Variants in TSBP1 observed in about 807,000 individuals in gnomAD.
TSBP1 encodes the protein testis expressed basic protein 1, also known as testis-expressed basic protein 1.
Under a neutral mutation model 68.8 loss-of-function variants are expected in TSBP1, and 56 were observed. The observed-to-expected ratio is 0.81, with a 90% CI of 0.66 to 1.02. TSBP1 has a LOEUF of 1.02. Among genes scored for constraint, TSBP1 ranks in the 50% least tolerant of loss-of-function variants. The pLI, the probability that TSBP1 is intolerant of heterozygous loss-of-function variation, is 0.00. For missense variants in TSBP1, 502 were observed against 641.2 expected, an observed-to-expected ratio of 0.78 and a Z score of 2.34; for synonymous variants, 171 against 208.7, an observed-to-expected ratio of 0.82 and a Z score of 1.56.
intron 17 of TSBP1, 91 bp downstream of exon 18, chr6:32,323,500 A>G: frequency 8.2e-7 from 1 of 1,220,772 alleles, no homozygotes; most frequent in Non-Finnish European, 1.2e-6. Context: ...ACACAGAGTT[A>G]GAAATGAGCA....
At chr6:32,370,391 A>T (rs1774251007) in intron 1 of TSBP1, among the ~76,000 whole-genome samples, 1 of 134,022 alleles carries the variant, frequency 7.5e-6, no homozygotes, top group African/African-American at 2.6e-5. Context: ...ATACCTTTAA[A>T]GTTGCAAGAT....
chr6:32,362,450 C>T (rs927933910), intron 6 of TSBP1, among the ~76,000 whole-genome samples: 1 of 152,222 alleles, frequency 6.6e-6, no homozygotes, highest in Non-Finnish European at 1.5e-5. Flanking sequence ...TTCCATCCTC[C>T]ATAACTGTAA....
At chr6:32,369,959 G>A in exon 2 of TSBP1, 1 of 1,612,190 alleles carries the variant, frequency 6.2e-7, no homozygotes, top group South Asian at 1.1e-5. Flanking sequence ...TCCCAGTAGA[G>A]TCAGGATGAC....
At chr6:32,368,557 G>C (rs537519317) in intron 3 of TSBP1, among the ~76,000 whole-genome samples, 20 of 152,204 alleles carry the variant, frequency 1.3e-4, no homozygotes, top group South Asian at 4.2e-4. Context: ...AATTATGCAG[G>C]CCTACCCAGT....
At chr6:32,330,178 G>T (rs9296022) in intron 16 of TSBP1, among the ~76,000 whole-genome samples, 1 of 152,040 alleles carries the variant, frequency 6.6e-6, no homozygotes, top group East Asian at 1.9e-4. Context: ...GTTAAATTTT[G>T]TTGTCTTTTC....
chr6:32,313,239 A>G (rs74209703), intron 19 of TSBP1, among the ~76,000 whole-genome samples: 6,355 of 151,176 alleles, frequency 0.042, 236 homozygotes, highest in South Asian at 0.11. Flanking sequence ...TTATTTTTCT[A>G]CATGAATTTA....
chr6:32,371,666 A>G, intron 1 of TSBP1, 28 bp downstream of exon 1: 1 of 1,565,716 alleles, frequency 6.4e-7, no homozygotes, highest in East Asian at 2.2e-5. Flanking sequence ...AGAGTTGAGG[A>G]AGCCTCAAAG....
Position 32,335,644 on chromosome 6 carries a change from C to T in TSBP1, c.452-187G>A, listed in dbSNP as rs117529745. ...GCAAACTAGTACATATAAGGGCCTC[C>T]TCATCTAAAAATCCCTTGTGTGATG... On this transcript the variant is annotated intron_variant, in intron 13 of 22. Coordinates refer to ENST00000612031, the Ensembl canonical transcript of TSBP1. This position sits in a 1 kb window ranked among gnomAD's most constrained non-coding sequence, Gnocchi z 5.5. 6.7e-3 allele frequency among the ~76,000 whole-genome samples: 1,019 copies of T among 152,290 alleles called. 18 individuals carry two copies. The highest frequency in any genetic ancestry group is 0.019 in the East Asian group (101 of 5,190).
chr6:32,339,758 A>G (rs1770128963), intron 9 of TSBP1, 120 bp from the exon 11 acceptor site: 2 of 515,910 alleles, frequency 3.9e-6, no homozygotes, highest in South Asian at 6.1e-5. Context: ...TCTTGAGGTT[A>G]AAGAGCTGAG....
rs751083152 is a variant in TSBP1 at position 32,323,408 on chromosome 6, A to T, written c.538+183T>A. On this transcript the variant is annotated intron_variant, in intron 17 of 22. Coordinates refer to ENST00000612031, the Ensembl canonical transcript of TSBP1. ...ACAAAGTAAATATATGTTTGAAATTATGTAAATATAACTTCTTTCTCAGGG... is the reference window on the plus strand; with the variant it reads ...ACAAAGTAAATATATGTTTGAAATTTTGTAAATATAACTTCTTTCTCAGGG... The T allele has an allele frequency of 1.5e-4, 112 of 723,174 alleles. No individual in the cohort carries two copies. The South Asian group carries it at 1.6e-3, about 10-fold the overall frequency. The allele number at this position is 723,174 out of a possible 1,614,324, so 44.8% of individuals were successfully genotyped here.
chr6:32,295,710 A>G (rs1764635440), intron 22 of TSBP1, among the ~76,000 whole-genome samples: 1 of 152,236 alleles, frequency 6.6e-6, no homozygotes, highest in South Asian at 2.1e-4. Context: ...ATAAGTAGTC[A>G]ATAAATATTG....
rs765348990 is a variant in TSBP1, at chr6:32,367,931, C to A, written c.160G>T (p.Gly54Cys). ...TAGTTCCTAATCTATTTACCTCTAC[C>A]ATCCTCATAGTCCAGAAGTCTAGCA... is the stretch of plus-strand genomic sequence containing the variant. The change falls in exon 4 of 23, where the codon GGT becomes TGT. Residue 54 changes from glycine to cysteine, a missense_variant. Gly to Cys is a radical substitution (Grantham distance 159). Coordinates refer to ENST00000612031, the Ensembl canonical transcript of TSBP1. 2.5e-6 allele frequency: 4 copies of A among 1,610,670 alleles called. No individual in the cohort carries two copies. In the African/African-American group the frequency reaches 5.3e-5, roughly 21 times the overall value.
intron 16 of TSBP1, among the ~76,000 whole-genome samples, chr6:32,327,100 G>C (rs1768306925): frequency 6.6e-6 from 1 of 152,098 alleles, no homozygotes; most frequent in Admixed American, 6.6e-5. Flanking sequence ...TCTATTTTGG[G>C]TTTGGTATTC....
At chr6:32,318,743 T>G (rs991702603) in intron 18 of TSBP1, among the ~76,000 whole-genome samples, 1 of 151,986 alleles carries the variant, frequency 6.6e-6, no homozygotes, top group Non-Finnish European at 1.5e-5. Context: ...GGGGCTATGG[T>G]GTGGAGAGGG....
intron 14 of TSBP1, among the ~76,000 whole-genome samples, chr6:32,332,791 G>A (rs1014981070): frequency 6.6e-6 from 1 of 151,840 alleles, no homozygotes; most frequent in East Asian, 1.9e-4. Flanking sequence ...AAAAATTTTT[G>A]TAGAGATGGG....
intron 6 of TSBP1, among the ~76,000 whole-genome samples, chr6:32,359,596 T>G (rs949915654): frequency 2.0e-5 from 3 of 152,178 alleles, no homozygotes; most frequent in Non-Finnish European, 4.4e-5. Context: ...TTCTGTAGTT[T>G]GCCTGTTCAC....
Position 32,315,927 on chromosome 6 carries a change from A to G in TSBP1, c.560-135T>C, listed in dbSNP as rs1420460371. The G allele has an allele frequency of 1.6e-5, 9 of 560,026 alleles. No individual in the cohort carries two copies. The highest frequency in any genetic ancestry group is 1.9e-5 in the African/African-American group (1 of 53,214). 34.7% of individuals were successfully genotyped at this position (560,026 alleles called of 1,614,324 possible). A position where few individuals can be genotyped will look rare whatever the true frequency, so the allele number is the denominator to read the frequency against. On this transcript the variant is annotated intron_variant, in intron 18 of 22. Coordinates refer to ENST00000612031, the Ensembl canonical transcript of TSBP1. The surrounding 1 kb of genome is among the most constrained non-coding windows in gnomAD (Gnocchi z 5.4). ...AGAAGGAAGCATTCCAAACCACCCTATAGATTAGTTTTAGATTAGTTTTAC... is the reference window on the plus strand; with the variant it reads ...AGAAGGAAGCATTCCAAACCACCCTGTAGATTAGTTTTAGATTAGTTTTAC...
At chr6:32,362,106 C>T (rs147425711) in intron 6 of TSBP1, among the ~76,000 whole-genome samples, 3,451 of 151,806 alleles carry the variant, frequency 0.023, 59 homozygotes, top group South Asian at 0.047. Flanking sequence ...CTGGCTAACA[C>T]GGTGAAACCC....
chr6:32,293,795 T>A, exon 23 of TSBP1: 1 of 1,613,086 alleles, frequency 6.2e-7, no homozygotes, highest in South Asian at 1.1e-5. Flanking sequence ...ACTGTCTACC[T>A]TGACCTCCAT....
Sources: allele counts gnomAD v4.1 joint callset (sites outside exome capture counted in the v4.1 genomes callset), GRCh38; gene constraint gnomAD v4.1.1; non-coding constraint Gnocchi (gnomAD v3.1); transcripts MANE v1.5; gene names NCBI Gene and HGNC (gene_info 2026-07-23, HGNC 2026-07-21).